The following SYN2 variants were observed in gnomAD, a reference collection of about 807,000 sequenced individuals.
SYN2 encodes synapsin II.
SYN2 carries 19 observed loss-of-function variants against 50.9 expected under a neutral mutation model. The observed-to-expected ratio is 0.37, with a 90% CI of 0.26 to 0.55. The LOEUF is 0.55. SYN2 is among the 20% of genes least tolerant of loss of function. The pLI is 0.81. For missense variants in SYN2, 587 were observed against 576.4 expected, an observed-to-expected ratio of 1.02 and a Z score of -0.19; for synonymous variants, 255 against 224.9, an observed-to-expected ratio of 1.13 and a Z score of -1.20.
At chr3:12,167,031 C>A (rs562435502) in intron 7 of SYN2, among the ~76,000 whole-genome samples, 2 of 152,328 alleles carry the variant, frequency 1.3e-5, no homozygotes, top group South Asian at 2.1e-4. Flanking sequence ...CTGGGCAAGA[C>A]CCTTGTAGAG....
At chr3:12,103,500 C>G (rs1166778778) in intron 1 of SYN2, among the ~76,000 whole-genome samples, 2 of 152,264 alleles carry the variant, frequency 1.3e-5, no homozygotes, top group East Asian at 3.9e-4. Context: ...CCTTGCATCT[C>G]AGTAGCATTG....
At chr3:12,088,954 A>G (rs1456240438) in intron 1 of SYN2, among the ~76,000 whole-genome samples, 8 of 152,208 alleles carry the variant, frequency 5.3e-5, no homozygotes, top group Non-Finnish European at 8.8e-5. Context: ...ATAGTGATCT[A>G]TTGCATAGCA....
chr3:12,184,768 C>T, intron 11 of SYN2: 1 of 985,930 alleles, frequency 1.0e-6, no homozygotes, highest in Non-Finnish European at 1.2e-6. Flanking sequence ...TTAAACCAGG[C>T]CTCAGCTTCA....
chr3:12,180,414 C>A lies in SYN2; in HGVS notation c.1309-2898C>A, dbSNP rs191337505. 2.0e-3 allele frequency among the ~76,000 whole-genome samples: 312 copies of A among 152,370 alleles called. 3 individuals carry two copies. The highest frequency in any genetic ancestry group is 0.019 in the Admixed American group (287 of 15,314). On this transcript the variant is annotated intron_variant, in intron 10 of 12. Coordinates refer to ENST00000621198, the MANE Select transcript of SYN2 (RefSeq NM_133625.6). ...CATGAGTTCCTGCTGTGGGCTGGCT[C>A]CAGGCCAGCCTTTGGCAGTGACGCC...
chr3:12,059,631 C>A (rs1695072086), intron 1 of SYN2, among the ~76,000 whole-genome samples: 1 of 152,090 alleles, frequency 6.6e-6, no homozygotes, highest in African/African-American at 2.4e-5. Context: ...TTATCTTTAG[C>A]TTCTACAGGG....
At chr3:12,071,315 AG>A in intron 1 of SYN2, 1 of 568,132 alleles carries the variant, frequency 1.8e-6, no homozygotes, top group Non-Finnish European at 3.5e-6. Flanking sequence ...ATTAACAAGC[AG>A]GAGTACAACA....
chr3:12,121,092 C>G (rs1413224007), intron 1 of SYN2, among the ~76,000 whole-genome samples: 1 of 152,202 alleles, frequency 6.6e-6, no homozygotes. Flanking sequence ...CCAGAATTCC[C>G]TCTCCTAACC....
rs1346689347 is a variant in SYN2 at position 12,004,908 on chromosome 3, C to G, written c.357C>G (p.Val119=). ...GGAAGGCCAAGGTGCTGCTGGTGGT[C>G]GACGAGCCGCACGCCGACTGGTAGG... ...AARKAKVLLV[V]DEPHADWAKC... Residue 119 remains valine, a synonymous_variant, in exon 1 of 13, where the codon GTC becomes GTG. Coordinates refer to ENST00000621198, the MANE Select transcript of SYN2 (RefSeq NM_133625.6). 3.5e-6 allele frequency: 2 copies of G among 576,392 alleles called. No individual in the cohort carries two copies. Among genetic ancestry groups the G allele is most frequent in the Admixed American group, 5.9e-5 (2 of 33,826 alleles). 35.7% of individuals were successfully genotyped at this position (576,392 alleles called of 1,614,324 possible).
chr3:12,152,864 C>T (rs1697342506), intron 5 of SYN2, among the ~76,000 whole-genome samples: 2 of 152,132 alleles, frequency 1.3e-5, no homozygotes, highest in African/African-American at 4.8e-5. Context: ...CATTCTTATT[C>T]AAAGAGGTGT....
chr3:12,038,576 ATTTC>A (rs1694550565), intron 1 of SYN2, among the ~76,000 whole-genome samples: 1 of 152,074 alleles, frequency 6.6e-6, no homozygotes, highest in South Asian at 2.1e-4. Context: ...TTGTTCTTCA[ATTTC>A]TTTCAACAGT....
intron 11 of SYN2, chr3:12,183,834 C>A (rs1431993965): frequency 8.7e-6 from 9 of 1,031,380 alleles, no homozygotes; most frequent in Non-Finnish European, 1.0e-5. Flanking sequence ...AAAAAGAAAA[C>A]CCAACTCCTC....
At chr3:12,183,447 T>G (rs1302446424) in intron 11 of SYN2, 75 bp downstream of exon 11, 1 of 1,609,996 alleles carries the variant, frequency 6.2e-7, no homozygotes, top group Non-Finnish European at 8.5e-7. Flanking sequence ...TTAAAATGAT[T>G]GGTGGTTAAT....
intron 1 of SYN2, among the ~76,000 whole-genome samples, chr3:12,051,971 C>A (rs1410429992): frequency 1.3e-5 from 2 of 152,134 alleles, no homozygotes; most frequent in Non-Finnish European, 2.9e-5. Context: ...TGGCTCCCTG[C>A]TGGTTTTCTT....
At chr3:12,025,148 A>C (rs1405184688) in intron 1 of SYN2, among the ~76,000 whole-genome samples, 1 of 152,034 alleles carries the variant, frequency 6.6e-6, no homozygotes, top group Non-Finnish European at 1.5e-5. Flanking sequence ...TCCCTTTATA[A>C]GGACACCATT....
chr3:12,035,260 C>T (rs1012177742), intron 1 of SYN2, among the ~76,000 whole-genome samples: 2 of 152,206 alleles, frequency 1.3e-5, no homozygotes, highest in Non-Finnish European at 2.9e-5. Context: ...CAGCCCTGCC[C>T]CCTTGGCTTT....
At chr3:12,147,987 G>T (rs1387662728) in intron 4 of SYN2, among the ~76,000 whole-genome samples, 1 of 152,084 alleles carries the variant, frequency 6.6e-6, no homozygotes, top group Admixed American at 6.5e-5. Flanking sequence ...GGTGGCAGGT[G>T]CCTGTAGTCC....
rs1382094955 is a variant in SYN2, at chr3:12,145,961, C to T, written c.684+126C>T. 35 of 1,334,176 alleles carry T rather than the reference C, an allele frequency of 2.6e-5. No homozygotes were observed. In the Middle Eastern group the frequency reaches 1.1e-3, roughly 42 times the overall value. The allele number at this position is 1,334,176 out of a possible 1,614,324, so 82.6% of individuals were successfully genotyped here. A position where few individuals can be genotyped will look rare whatever the true frequency, so the allele number is the denominator to read the frequency against. ...GGAGGGTCCCTACATCTTCCAGGCC[C>T]CTAGGAGGGTCCTCAAGATGCAGTT... On this transcript the variant is annotated intron_variant, in intron 4 of 12. Coordinates refer to ENST00000621198, the MANE Select transcript of SYN2 (RefSeq NM_133625.6).
At chr3:12,074,351 A>G (rs907485148) in intron 1 of SYN2, among the ~76,000 whole-genome samples, 2 of 152,096 alleles carry the variant, frequency 1.3e-5, no homozygotes, top group African/African-American at 4.8e-5. Context: ...CTGTTTGTAT[A>G]ATGCTCACTA....
At chr3:12,118,867 A>T (rs1337998539) in intron 1 of SYN2, among the ~76,000 whole-genome samples, 1 of 152,238 alleles carries the variant, frequency 6.6e-6, no homozygotes, top group Non-Finnish European at 1.5e-5. Context: ...AAAATTAATG[A>T]TGTATTTTAT....
Sources: allele counts gnomAD v4.1 joint callset (sites outside exome capture counted in the v4.1 genomes callset), GRCh38; gene constraint gnomAD v4.1.1; transcripts MANE v1.5; gene names NCBI Gene and HGNC (gene_info 2026-07-23, HGNC 2026-07-21).